The following ARL1 variants were observed in gnomAD, a reference collection of about 807,000 sequenced individuals.
ARL1 encodes ARF like GTPase 1, also known as ADP-ribosylation factor-like protein 1.
ARL1 carries 17 observed loss-of-function variants against 30.1 expected under a neutral mutation model. The ratio of observed to expected loss-of-function variants is 0.56; its 90% CI spans 0.39 to 0.85. ARL1 has a LOEUF of 0.85. Ranked by LOEUF, ARL1 falls within the 40% of genes least tolerant of loss-of-function variation. ARL1 has a pLI of 0.00. For synonymous variants in ARL1, 58 were observed against 71.7 expected (o/e 0.81, Z 0.97); for missense variants, 102 against 212.6 (o/e 0.48, Z 3.24).
In ARL1 at chr12:101,398,480, C is replaced by T. The variant is rs139139044; in HGVS notation, c.337-1903G>A. Among the ~76,000 whole-genome samples, 803 of 152,066 alleles carry T rather than the reference C, an allele frequency of 5.3e-3. 7 individuals are homozygous for T. Among genetic ancestry groups the T allele is most frequent in the African/African-American group, 0.019 (772 of 41,454 alleles). On this transcript the variant is annotated intron_variant, in intron 4 of 5. Transcript: ENST00000261636. ...GTTTGTTTGTTTTGAGATGGAGTCT[C>T]ACTCCATCACTCAGGTTGGAGTGCA...
intron 4 of ARL1, 52 bp from the exon 5 acceptor site, chr12:101,396,629 G>T: frequency 6.8e-7 from 1 of 1,472,232 alleles, no homozygotes; most frequent in Non-Finnish European, 9.3e-7. Context: ...GCTCTCTCGA[G>T]TTTAGAAAAT....
intron 2 of ARL1, chr12:101,403,174 C>A (rs1729557226): frequency 4.1e-6 from 2 of 483,240 alleles, no homozygotes; most frequent in Non-Finnish European, 3.8e-6. Flanking sequence ...TCTGCTCCCC[C>A]ACACATGTGC....
chr12:101,403,328 C>T, intron 2 of ARL1: 4 of 380,266 alleles, frequency 1.1e-5, no homozygotes, highest in South Asian at 8.1e-5. Flanking sequence ...AAAAGGAAAA[C>T]ATAATTTTTA....
In ARL1 at chr12:101,407,656, CT is replaced by C. The variant is rs959849879; in HGVS notation, c.-12del. The stretch of plus-strand genomic sequence containing the variant: ...GAACCCCTCACCCATGATGAACCCC[CT>C]GTCCTCCCTCGCCGATCTTCAGTGA... On this transcript the variant is annotated 5_prime_UTR_variant, in exon 1 of 6. Transcript: ENST00000261636. 1 of 1,612,196 alleles carries C rather than the reference CT, an allele frequency of 6.2e-7. No homozygotes were observed. Among genetic ancestry groups the C allele is most frequent in the African/African-American group, 1.3e-5 (1 of 74,926 alleles).
Position 101,407,745 on chromosome 12 carries a change from T to A in ARL1, c.-100A>T. On this transcript the variant is annotated 5_prime_UTR_variant, in exon 1 of 6. Transcript: ENST00000261636. ...TCGCAAGCCCAGTCAGCCAGCAACT[T>A]CCACGTCGGACTCCAGGCGGGGGCG... 1 of 1,557,168 alleles carries A rather than the reference T, an allele frequency of 6.4e-7. No homozygotes were observed. Among genetic ancestry groups the A allele is most frequent in the Non-Finnish European group, 8.8e-7 (1 of 1,135,764 alleles).
chr12:101,403,214 G>A (rs749890787), intron 2 of ARL1: 49 of 483,316 alleles, frequency 1.0e-4, no homozygotes, highest in Non-Finnish European at 4.8e-5. Context: ...CAATTAGCAA[G>A]ATCAATACCA....
chr12:101,396,178 GC>G (rs1221959817), intron 5 of ARL1: 4 of 623,416 alleles, frequency 6.4e-6, no homozygotes, highest in Non-Finnish European at 1.1e-5. Flanking sequence ...CTAAAAATTG[GC>G]AAAGAATTTG....
Position 101,393,821 on chromosome 12 carries a change from G to GT in ARL1, c.*1818dup, listed in dbSNP as rs1157255964. ...GTACAAGCTTTATAAGCCTCAGGCT[G>GT]TAAGTGAACTTGCTTTCTGCATTTT... On this transcript the variant is annotated 3_prime_UTR_variant, in exon 6 of 6. Transcript: ENST00000261636. The GT allele has an allele frequency of 2.0e-5, 3 of 152,166 alleles. No individual in the cohort carries two copies. Among genetic ancestry groups the GT allele is most frequent in the Non-Finnish European group, 2.9e-5 (2 of 68,040 alleles). The allele number at this position is 152,166 out of a possible 1,614,324, so 9.4% of individuals were successfully genotyped here.
In ARL1 at chr12:101,394,487, T is replaced by C. The variant is rs1372863186; in HGVS notation, c.*1153A>G. 1.3e-5 allele frequency: 2 copies of C among 152,366 alleles called. No homozygotes were observed. The highest frequency in any genetic ancestry group is 3.9e-4 in the East Asian group (2 of 5,184). The allele number at this position is 152,366 out of a possible 1,614,324, so 9.4% of individuals were successfully genotyped here. On this transcript the variant is annotated 3_prime_UTR_variant, in exon 6 of 6. Transcript: ENST00000261636. ...TAAACTTACAGTCTAGCAATAAGCC[T>C]AATTTTTAAAACAGAATGCTTAATT...
chr12:101,401,545 A>G (rs1593466262), intron 3 of ARL1: 1 of 153,056 alleles, frequency 6.5e-6, no homozygotes. Context: ...CTGAGGCAGG[A>G]AAATCACTTC....
intron 5 of ARL1, 77 bp from the exon 6 acceptor site, chr12:101,395,747 T>C (rs1241732367): frequency 1.8e-5 from 19 of 1,059,074 alleles, no homozygotes; most frequent in Non-Finnish European, 2.1e-5. Context: ...AAACTTTGTA[T>C]TGGAGGTGGA....
intron 3 of ARL1, among the ~76,000 whole-genome samples, chr12:101,401,860 C>T (rs1394492307): frequency 3.3e-5 from 5 of 151,816 alleles, no homozygotes; most frequent in Admixed American, 3.3e-4. Flanking sequence ...ACTTTTTAAA[C>T]GTGATTTTAT....
chr12:101,402,234 G>A (rs1565815802), intron 3 of ARL1, among the ~76,000 whole-genome samples: 1 of 152,140 alleles, frequency 6.6e-6, no homozygotes, highest in Non-Finnish European at 1.5e-5. Flanking sequence ...CCAGGCTGGA[G>A]TGCAGTTGCG....
chr12:101,407,722 G>A lies in ARL1; in HGVS notation c.-77C>T. 3.7e-6 allele frequency: 6 copies of A among 1,602,444 alleles called. No homozygotes were observed. The highest frequency in any genetic ancestry group is 5.1e-6 in the Non-Finnish European group (6 of 1,173,776). On this transcript the variant is annotated 5_prime_UTR_variant, in exon 1 of 6. Coordinates refer to ENST00000261636, the MANE Select transcript of ARL1 (RefSeq NM_001177.6). ...GCTGCAGCTCCGAGGCGGTTTCCTC[G>A]CAAGCCCAGTCAGCCAGCAACTTCC... is the stretch of plus-strand genomic sequence containing the variant.
At chr12:101,396,194 T>G (rs1205683697) in intron 5 of ARL1, 1 of 656,846 alleles carries the variant, frequency 1.5e-6, no homozygotes, top group East Asian at 2.7e-5. Flanking sequence ...AATTTGCTTA[T>G]CTAAGTAACT....
intron 2 of ARL1, chr12:101,403,418 A>G (rs186375724): frequency 5.3e-4 from 128 of 242,848 alleles, no homozygotes; most frequent in Non-Finnish European, 5.7e-5. Flanking sequence ...TTTAGAAAGT[A>G]CAGTTGTGGA....
chr12:101,396,663 G>T, intron 4 of ARL1, 86 bp from the exon 5 acceptor site: 1 of 1,039,420 alleles, frequency 9.6e-7, no homozygotes, highest in Non-Finnish European at 1.4e-6. Flanking sequence ...TTTTAAACGT[G>T]TATTTTATAA....
In ARL1 at chr12:101,395,384, T is replaced by C. The variant is rs190602389; in HGVS notation, c.*256A>G. ...GAACTGTATTTGAATAAGAATTCCA[T>C]ACAAATAGAATATATACCTTAACAC... On this transcript the variant is annotated 3_prime_UTR_variant, in exon 6 of 6. Coordinates refer to ENST00000261636, the MANE Select transcript of ARL1 (RefSeq NM_001177.6). 9 of 382,920 alleles carry C rather than the reference T, an allele frequency of 2.4e-5. No homozygotes were observed. Among genetic ancestry groups the C allele is most frequent in the Admixed American group, 8.8e-5 (2 of 22,750 alleles). 23.7% of individuals were successfully genotyped at this position (382,920 alleles called of 1,614,324 possible). A position where few individuals can be genotyped will look rare whatever the true frequency, so the allele number is the denominator to read the frequency against.
At chr12:101,406,910 G>C (rs1001926878) in intron 1 of ARL1, 5 of 152,192 alleles carry the variant, frequency 3.3e-5, no homozygotes, top group Non-Finnish European at 7.3e-5. Flanking sequence ...ACTGTGGAGG[G>C]ATTTAACCAA....
Sources: gnomAD v4.1 joint callset for allele counts (sites outside exome capture counted in the v4.1 genomes callset) on GRCh38, gnomAD v4.1.1 for gene constraint, MANE v1.5 for transcripts, NCBI Gene and HGNC (gene_info 2026-07-23, HGNC 2026-07-21) for gene names.